Variants in PTPRT observed in about 807,000 individuals in gnomAD.
PTPRT encodes the protein receptor-type tyrosine-protein phosphatase T.
A neutral mutation model predicts 176.8 loss-of-function variants in PTPRT; 56 were observed. The observed-to-expected ratio is 0.32, with a 90% CI of 0.26 to 0.40. The LOEUF (loss-of-function observed/expected upper bound fraction) is 0.40. Ranked by LOEUF, PTPRT falls within the 10% of genes least tolerant of loss-of-function variation. The probability of loss-of-function intolerance (pLI) is 1.00; values close to 1 mark genes in which losing one functional copy is unlikely to be tolerated. For missense variants in PTPRT, 1,540 were observed against 1,908.2 expected (o/e 0.81, Z 3.60); for synonymous variants, 783 against 739.0 (o/e 1.06, Z -0.96).
intron 7 of PTPRT, among the ~76,000 whole-genome samples, chr20:42,568,531 G>T (rs747497472): frequency 1.3e-5 from 2 of 152,186 alleles, no homozygotes; most frequent in African/African-American, 2.4e-5. Flanking sequence ...TTGATCGCCA[G>T]GCTGTGCTAA....
intron 1 of PTPRT, among the ~76,000 whole-genome samples, chr20:42,985,111 G>A (rs1446771549): frequency 6.6e-6 from 1 of 152,138 alleles, no homozygotes; most frequent in East Asian, 1.9e-4. Flanking sequence ...TGCAATGGGG[G>A]TCAGGACTTT....
intron 8 of PTPRT, among the ~76,000 whole-genome samples, chr20:42,457,016 AAG>A (rs2145878248): frequency 6.6e-6 from 1 of 152,264 alleles, no homozygotes; most frequent in Non-Finnish European, 1.5e-5. Context: ...TCCTTAAGTC[AAG>A]TTTTTTAATT....
chr20:42,693,199 C>T (rs1156464406), intron 6 of PTPRT, among the ~76,000 whole-genome samples: 1 of 152,142 alleles, frequency 6.6e-6, no homozygotes, highest in Non-Finnish European at 1.5e-5. Flanking sequence ...CCAGACATTA[C>T]TGGGATACAT....
intron 6 of PTPRT, among the ~76,000 whole-genome samples, chr20:42,728,824 T>C (rs557448090): frequency 6.6e-6 from 1 of 152,286 alleles, no homozygotes; most frequent in Admixed American, 6.5e-5. Context: ...ACGAGCACCT[T>C]TGAAGTTAGG....
At chr20:43,062,901 A>C (rs1179960448) in intron 1 of PTPRT, among the ~76,000 whole-genome samples, 1 of 152,204 alleles carries the variant, frequency 6.6e-6, no homozygotes, top group Non-Finnish European at 1.5e-5. Flanking sequence ...GTCTTTCTCA[A>C]GGGATATGAC....
At chr20:42,896,583 C>T (rs956167415) in intron 1 of PTPRT, among the ~76,000 whole-genome samples, 2 of 148,070 alleles carry the variant, frequency 1.4e-5, no homozygotes, top group African/African-American at 2.5e-5. Flanking sequence ...TGTGGTGAGC[C>T]GAGATCATGC....
intron 9 of PTPRT, among the ~76,000 whole-genome samples, chr20:42,404,905 G>A (rs536520834): frequency 1.2e-4 from 18 of 146,892 alleles, no homozygotes; most frequent in South Asian, 6.3e-4. Flanking sequence ...TTCCAGTAGT[G>A]AGATTAATTT....
intron 1 of PTPRT, among the ~76,000 whole-genome samples, chr20:43,127,408 G>A (rs937953411): frequency 2.0e-5 from 3 of 147,940 alleles, no homozygotes; most frequent in Non-Finnish European, 3.0e-5. Flanking sequence ...GGGCAACAGA[G>A]CGAGACTCCA....
Position 42,161,449 on chromosome 20 carries a change from C to T in PTPRT, c.2585G>A (p.Arg862Gln), listed in dbSNP as rs759416965. The T allele has an allele frequency of 3.5e-5, 57 of 1,613,972 alleles. No individual in the cohort carries two copies. Among genetic ancestry groups the T allele is most frequent in the Non-Finnish European group, 2.7e-5 (32 of 1,180,016 alleles). The change falls in exon 17 of 31, where the codon CGG becomes CAG. Residue 862 changes from arginine (R) to glutamine (Q), a missense_variant. Physicochemically the swap from Arg to Gln is conservative, Grantham distance 43. This residue lies in a region of PTPRT where 255 missense variants were observed against 250.1 expected (regional missense o/e 1.02). Coordinates refer to ENST00000373187, the MANE Select transcript of PTPRT (RefSeq NM_007050.6). ...TCDPVEMSYP[R>Q]DQFQPAIRVA... is the part of the protein sequence containing the mutation. ...CCGGATGGCGGGTTGGAACTGGTCC[C>T]GGGGGTAGCTCATCTCCACAGGGTC...
chr20:43,073,627 A>T (rs2011212914), intron 1 of PTPRT, among the ~76,000 whole-genome samples: 1 of 151,696 alleles, frequency 6.6e-6, no homozygotes, highest in Non-Finnish European at 1.5e-5. Context: ...GGTAAAAACC[A>T]CAATTACTTT....
chr20:42,577,799 T>C lies in PTPRT; in HGVS notation c.1153+100067A>G, dbSNP rs147677013. ...CTGGCATGCTCAGGGAGAAGCAGTC[T>C]AACCAAACAAGAGAAAAACCTTCAG... is the stretch of plus-strand genomic sequence containing the variant. On this transcript the variant is annotated intron_variant, in intron 7 of 30. Coordinates refer to ENST00000373187, the MANE Select transcript of PTPRT (RefSeq NM_007050.6). 3.1e-3 allele frequency among the ~76,000 whole-genome samples: 467 copies of C among 151,128 alleles called. 4 individuals carry two copies. The highest frequency in any genetic ancestry group is 0.011 in the African/African-American group (454 of 41,356).
chr20:42,213,747 C>T (rs2055702683), intron 15 of PTPRT, among the ~76,000 whole-genome samples: 1 of 152,044 alleles, frequency 6.6e-6, no homozygotes, highest in African/African-American at 2.4e-5. Flanking sequence ...GACTGGTGGG[C>T]ACCACCAGCT....
At chr20:42,627,386 C>G (rs1034973019) in intron 7 of PTPRT, among the ~76,000 whole-genome samples, 1 of 152,034 alleles carries the variant, frequency 6.6e-6, no homozygotes, top group Non-Finnish European at 1.5e-5. Flanking sequence ...GCCTCAACCT[C>G]CCATGCCCAT....
chr20:42,261,872 G>A (rs1383221613), intron 13 of PTPRT, among the ~76,000 whole-genome samples: 1 of 152,186 alleles, frequency 6.6e-6, no homozygotes, highest in Non-Finnish European at 1.5e-5. Context: ...CTGCCCATCT[G>A]GGGCAGCTTT....
At chr20:42,588,553 A>G (rs2073512859) in intron 7 of PTPRT, among the ~76,000 whole-genome samples, 1 of 152,226 alleles carries the variant, frequency 6.6e-6, no homozygotes, top group Admixed American at 6.5e-5. Context: ...AAAAATTCAG[A>G]ATAAGAAAAA....
At chr20:42,660,535 T>C (rs1443264119) in intron 7 of PTPRT, among the ~76,000 whole-genome samples, 1 of 152,238 alleles carries the variant, frequency 6.6e-6, no homozygotes, top group Non-Finnish European at 1.5e-5. Flanking sequence ...GCCAACTTGG[T>C]AACAGTTGTT....
At chr20:42,448,087 C>G in intron 9 of PTPRT, 133 bp downstream of exon 9, 1 of 728,114 alleles carries the variant, frequency 1.4e-6, no homozygotes, top group South Asian at 1.7e-5. Context: ...CCCCATTGTA[C>G]TGTCAGAAAC....
At chr20:42,133,636 C>T (rs924286315) in intron 18 of PTPRT, among the ~76,000 whole-genome samples, 1 of 152,164 alleles carries the variant, frequency 6.6e-6, no homozygotes, top group African/African-American at 2.4e-5. Context: ...GTACATTTGT[C>T]AAATCCTATA....
At chr20:42,453,278 C>T (rs1378108254) in intron 8 of PTPRT, among the ~76,000 whole-genome samples, 1 of 151,912 alleles carries the variant, frequency 6.6e-6, no homozygotes, top group Non-Finnish European at 1.5e-5. Flanking sequence ...TAAAGTGAGT[C>T]CTTTTATCCA....
Sources: gnomAD v4.1 joint callset for allele counts (sites outside exome capture counted in the v4.1 genomes callset) on GRCh38, gnomAD v4.1.1 for gene constraint, gnomAD v4.1.1 regional missense constraint, MANE v1.5 for transcripts, NCBI Gene and HGNC (gene_info 2026-07-23, HGNC 2026-07-21) for gene names.